ATP2C1: variants seen among roughly 807,000 people sequenced by gnomAD.
ATP2C1 encodes calcium-transporting ATPase type 2C member 1.
In ATP2C1, 31 loss-of-function variants were observed where a neutral mutation model predicts 120.5. The observed-to-expected ratio is 0.26, with a 90% CI of 0.19 to 0.35. ATP2C1 has a LOEUF of 0.35. Among genes scored for constraint, ATP2C1 ranks in the 10% least tolerant of loss-of-function variants. The probability of loss-of-function intolerance (pLI) is 1.00; values close to 1 mark genes in which losing one functional copy is unlikely to be tolerated. For missense variants in ATP2C1, 731 were observed against 1,107.5 expected, an observed-to-expected ratio of 0.66 and a Z score of 4.83; for synonymous variants, 351 against 358.7, an observed-to-expected ratio of 0.98 and a Z score of 0.24.
At chr3:130,876,067 T>C (rs2068592990) in intron 1 of ATP2C1, among the ~76,000 whole-genome samples, 1 of 152,108 alleles carries the variant, frequency 6.6e-6, no homozygotes, top group South Asian at 2.1e-4. Flanking sequence ...TTTATTTCCA[T>C]TCTACAGGTT....
intron 26 of ATP2C1, among the ~76,000 whole-genome samples, chr3:131,012,750 A>G (rs2063377873): frequency 1.3e-5 from 2 of 152,064 alleles, no homozygotes; most frequent in Non-Finnish European, 2.9e-5. Context: ...AAATAATAAA[A>G]ATTTCCTTAT....
Position 130,999,622 on chromosome 3 carries a change from T to G in ATP2C1, c.2592T>G (p.Leu864=), listed in dbSNP as rs1485944407. 65 of 1,613,458 alleles carry G rather than the reference T, an allele frequency of 4.0e-5. No homozygotes were observed. In the East Asian group the frequency reaches 1.4e-3, roughly 35 times the overall value. ...TACTAGTTATTTACTTTCCTCCGCT[T>G]CAGAAGGTTTTTCAGACTGAGAGCC... is the stretch of plus-strand genomic sequence containing the variant. ...GQLLVIYFPP[L]QKVFQTESLS... Residue 864 remains leucine, a synonymous_variant, in exon 27 of 28, where the codon CTT becomes CTG. Coordinates refer to ENST00000510168, the MANE Select transcript of ATP2C1 (RefSeq NM_001378687.1).
At chr3:131,016,287 T>C in exon 27 of ATP2C1, 1 of 1,614,180 alleles carries the variant, frequency 6.2e-7, no homozygotes, top group South Asian at 1.1e-5. Flanking sequence ...CCTTCACTCT[T>C]TGGAACTCTG....
At chr3:130,970,581 A>G (rs1016805925) in intron 17 of ATP2C1, among the ~76,000 whole-genome samples, 3 of 151,908 alleles carry the variant, frequency 2.0e-5, no homozygotes, top group Non-Finnish European at 4.4e-5. Flanking sequence ...TTTTGTAGAG[A>G]TGGGATCTCA....
At chr3:131,011,761 T>G (rs1368900113) in intron 26 of ATP2C1, among the ~76,000 whole-genome samples, 1 of 152,200 alleles carries the variant, frequency 6.6e-6, no homozygotes, top group Non-Finnish European at 1.5e-5. Context: ...CCACAGTTAC[T>G]TTTGCACCAA....
intron 19 of ATP2C1, among the ~76,000 whole-genome samples, chr3:130,979,858 T>G (rs984551862): frequency 1.3e-5 from 2 of 152,168 alleles, no homozygotes; most frequent in Admixed American, 1.3e-4. Flanking sequence ...TGAATGCTAT[T>G]TAAGATTACC....
chr3:130,909,777 TTGTC>T (rs2058303609), intron 2 of ATP2C1, among the ~76,000 whole-genome samples: 2 of 152,192 alleles, frequency 1.3e-5, no homozygotes, highest in African/African-American at 4.8e-5. Context: ...ACCCATGTGT[TTGTC>T]TGAATTATTA....
chr3:130,942,014 A>G (rs1462249753), intron 8 of ATP2C1, among the ~76,000 whole-genome samples: 3 of 152,242 alleles, frequency 2.0e-5, no homozygotes, highest in East Asian at 3.8e-4. Context: ...ATTACTCACC[A>G]TAAAATAGAA....
At chr3:130,963,670 G>C (rs1408341251) in intron 12 of ATP2C1, 1 of 377,576 alleles carries the variant, frequency 2.6e-6, no homozygotes, top group African/African-American at 2.1e-5. Flanking sequence ...GATGAGGACA[G>C]TAAACTACAG....
In ATP2C1 at chr3:130,972,149, G is replaced by A. The variant is rs370998432; in HGVS notation, c.1413+2753G>A. On this transcript the variant is annotated intron_variant, in intron 17 of 27. Coordinates refer to ENST00000510168, the MANE Select transcript of ATP2C1 (RefSeq NM_001378687.1). ...ACAACCTAGATCCCTTGCATGTGTA[G>A]TTCACGATAGGGTTCCTGCTTCTAT... Among the ~76,000 whole-genome samples, 7 of 152,286 alleles carry A rather than the reference G, an allele frequency of 4.6e-5. No homozygotes were observed. In the South Asian group the frequency reaches 1.5e-3, roughly 32 times the overall value.
intron 1 of ATP2C1, among the ~76,000 whole-genome samples, chr3:130,884,104 C>A (rs754619870): frequency 6.6e-6 from 1 of 151,842 alleles, no homozygotes; most frequent in Non-Finnish European, 1.5e-5. Context: ...CCATGCCTGG[C>A]TAATTTTTGT....
chr3:130,851,807 A>G (rs1004991732), intron 1 of ATP2C1, among the ~76,000 whole-genome samples: 1 of 152,182 alleles, frequency 6.6e-6, no homozygotes, highest in African/African-American at 2.4e-5. Flanking sequence ...TTGCTTGTGC[A>G]TTGTGCTTGT....
At chr3:130,988,769 T>G (rs1367333219) in intron 20 of ATP2C1, among the ~76,000 whole-genome samples, 1 of 152,128 alleles carries the variant, frequency 6.6e-6, no homozygotes, top group African/African-American at 2.4e-5. Context: ...TAGGCAAGAT[T>G]AGGCAGCATT....
chr3:130,889,539 C>T (rs182877527), upstream of ATP2C1, among the ~76,000 whole-genome samples: 718 of 151,666 alleles, frequency 4.7e-3, 6 homozygotes, highest in Non-Finnish European at 5.7e-3. Flanking sequence ...TGCTCAATAT[C>T]GAGCATTTCT....
At chr3:130,860,030 A>C (rs1211619468) in intron 1 of ATP2C1, among the ~76,000 whole-genome samples, 1 of 152,218 alleles carries the variant, frequency 6.6e-6, no homozygotes, top group Non-Finnish European at 1.5e-5. Flanking sequence ...ACCTCCTCAT[A>C]AAGTGATGGT....
intron 24 of ATP2C1, among the ~76,000 whole-genome samples, chr3:130,997,171 G>A (rs2108925963): frequency 6.6e-6 from 1 of 152,188 alleles, no homozygotes; most frequent in South Asian, 2.1e-4. Flanking sequence ...AAGTATTAGA[G>A]GACCTGAGTG....
Position 130,999,675 on chromosome 3 carries a change from T to C in ATP2C1, c.2629+16T>C, listed in dbSNP as rs2062796394. On this transcript the variant is annotated intron_variant, in intron 27 of 27. Coordinates refer to ENST00000510168, the MANE Select transcript of ATP2C1 (RefSeq NM_001378687.1). The stretch of plus-strand genomic sequence containing the variant: ...AGCATACTGGGTAAAGAAAACGTTA[T>C]CTTTATCATTTATGTATTTTAGATA... 2 of 1,602,318 alleles carry C rather than the reference T, an allele frequency of 1.2e-6. No homozygotes were observed. Among genetic ancestry groups the C allele is most frequent in the South Asian group, 1.1e-5 (1 of 90,700 alleles).
At chr3:130,963,757 T>A in intron 12 of ATP2C1, 1 of 531,690 alleles carries the variant, frequency 1.9e-6, no homozygotes, top group Middle Eastern at 5.4e-4. Context: ...GGCAATTTGA[T>A]GTCAGAACCT....
At chr3:130,898,114 G>C (rs1030388128) in intron 2 of ATP2C1, among the ~76,000 whole-genome samples, 4 of 152,132 alleles carry the variant, frequency 2.6e-5, no homozygotes, top group Admixed American at 2.6e-4. Flanking sequence ...CTTTCCCATA[G>C]AAAATTCAGT....
Sources: allele counts gnomAD v4.1 joint callset (sites outside exome capture counted in the v4.1 genomes callset), GRCh38; gene constraint gnomAD v4.1.1; transcripts MANE v1.5; gene names NCBI Gene and HGNC (gene_info 2026-07-23, HGNC 2026-07-21).